HIVEP2: variants seen among roughly 807,000 people sequenced by gnomAD.
HIVEP2 encodes transcription factor HIVEP2.
Under a neutral mutation model 180.7 loss-of-function variants are expected in HIVEP2, and 14 were observed. The ratio of observed to expected loss-of-function variants is 0.08; its 90% CI spans 0.05 to 0.12. The LOEUF (loss-of-function observed/expected upper bound fraction) is 0.12. Among genes scored for constraint, HIVEP2 ranks in the 10% least tolerant of loss-of-function variants. The pLI is 1.00. For synonymous variants in HIVEP2, 1,184 were observed against 1,136.4 expected, an observed-to-expected ratio of 1.04 and a Z score of -0.84; for missense variants, 2,579 against 3,008.5, an observed-to-expected ratio of 0.86 and a Z score of 3.34.
intron 1 of HIVEP2, among the ~76,000 whole-genome samples, chr6:142,941,339 T>TC (rs1425934697): frequency 6.6e-6 from 1 of 152,214 alleles, no homozygotes; most frequent in Admixed American, 6.5e-5. Context: ...TAGTGGCATC[T>TC]CATAGCTACA....
intron 1 of HIVEP2, among the ~76,000 whole-genome samples, chr6:142,886,255 T>A (rs1261856924): frequency 6.6e-6 from 1 of 152,214 alleles, no homozygotes; most frequent in Non-Finnish European, 1.5e-5. Flanking sequence ...GTGCAAGTAT[T>A]TTAATTGAGC....
chr6:142,758,397 G>A (rs911250711), intron 9 of HIVEP2, among the ~76,000 whole-genome samples: 1 of 152,204 alleles, frequency 6.6e-6, no homozygotes, highest in African/African-American at 2.4e-5. Context: ...ATTCAGGGTG[G>A]TGGAAGGTGA....
intron 9 of HIVEP2, 109 bp downstream of exon 9, chr6:142,759,663 T>G: frequency 1.2e-6 from 1 of 846,344 alleles, no homozygotes; most frequent in Non-Finnish European, 1.9e-6. Context: ...CCAGATTCAC[T>G]CCACCCATGA....
rs13204946 is a variant in HIVEP2, at chr6:142,769,892, C to T, written c.4847G>A (p.Ser1616Asn). ...GMLVRMASAP[S>N]GNVADSTLLL... is the part of the protein sequence containing the mutation. ...AAGAGTTGAGTCTGCCACGTTCCCG[C>T]TGGGGGCAGAGGCCATGCGGACCAG... The change falls in exon 5 of 10, where the codon AGC becomes AAC. Residue 1616 changes from serine (S) to asparagine (N), a missense_variant. Transcript: ENST00000367603. The T allele has an allele frequency of 6.2e-7, 1 of 1,614,082 alleles. No individual in the cohort carries two copies. Among genetic ancestry groups the T allele is most frequent in the Admixed American group, 1.7e-5 (1 of 60,028 alleles).
chr6:142,849,478 T>C (rs1323318599), intron 1 of HIVEP2, among the ~76,000 whole-genome samples: 2 of 152,146 alleles, frequency 1.3e-5, no homozygotes, highest in Non-Finnish European at 2.9e-5. Context: ...TTGAAGACTA[T>C]TAGCATCATT....
chr6:142,882,967 C>T (rs558187249), intron 1 of HIVEP2, among the ~76,000 whole-genome samples: 1 of 152,250 alleles, frequency 6.6e-6, no homozygotes, highest in South Asian at 2.1e-4. Context: ...ACCCATACTA[C>T]ATTCAAATAG....
intron 2 of HIVEP2, among the ~76,000 whole-genome samples, chr6:142,802,843 C>T (rs554732492): frequency 6.6e-6 from 1 of 152,122 alleles, no homozygotes; most frequent in South Asian, 2.1e-4. Context: ...TGGAATTTTA[C>T]ATTTTTATAC....
rs1775507516 is a variant in HIVEP2 at position 142,770,634 on chromosome 6, C to T, written c.4105G>A (p.Val1369Ile). ...GTCCTTTGGGTCATATTCTCATCGA[C>T]TTTGCATATGACAATGGCAGGGCTA... ...QNSPAIVICK[V>I]DENMTQRTLV... Residue 1369 changes from valine to isoleucine, a missense_variant, in exon 5 of 10, where the codon GTC (valine) becomes ATC (isoleucine). By Grantham distance (29) the Val-to-Ile change is conservative. This residue lies in a region of HIVEP2 where 523 missense variants were observed against 577.0 expected (regional missense o/e 0.91). Transcript: ENST00000367603. The surrounding 1 kb of genome is among the most constrained non-coding windows in gnomAD (Gnocchi z 4.7). 6.2e-7 allele frequency: 1 copy of T among 1,614,220 alleles called. No individual in the cohort carries two copies.
chr6:142,927,255 G>C (rs1347765948), intron 1 of HIVEP2, among the ~76,000 whole-genome samples: 2 of 152,152 alleles, frequency 1.3e-5, no homozygotes, highest in Non-Finnish European at 2.9e-5. Flanking sequence ...CCAGGTGTTT[G>C]GAGGACGCAC....
chr6:142,944,108 A>T (rs375207695), intron 1 of HIVEP2, among the ~76,000 whole-genome samples: 2 of 152,174 alleles, frequency 1.3e-5, no homozygotes, highest in Non-Finnish European at 2.9e-5. Flanking sequence ...GAGAGGAGCC[A>T]CTTGAAGAAA....
rs546606181 is a variant in HIVEP2 at position 142,886,225 on chromosome 6, A to G, written c.-640-49178T>C. Among the ~76,000 whole-genome samples the G allele has an allele frequency of 6.6e-5, 10 of 152,350 alleles. 1 individual carries two copies. The South Asian group carries it at 1.4e-3, about 22-fold the overall frequency. ...GTTTGACAAATGAGTGAGTGAATGG[A>G]TGAATCAATGAAATGTTATGTGCAA... On this transcript the variant is annotated intron_variant, in intron 1 of 9. Transcript: ENST00000367603.
chr6:142,796,118 G>A lies in HIVEP2; in HGVS notation c.-527-12503C>T, dbSNP rs550084083. ...TACTAATGAACAAAGCAGTTTTATT[G>A]CTGAATAAGGAAACCCAAGCTGAAG... On this transcript the variant is annotated intron_variant, in intron 2 of 9. Coordinates refer to ENST00000367603, the MANE Select transcript of HIVEP2 (RefSeq NM_006734.4). Among the ~76,000 whole-genome samples the A allele has an allele frequency of 1.3e-4, 20 of 152,204 alleles. 1 individual carries two copies. In the South Asian group the frequency reaches 4.1e-3, roughly 32 times the overall value.
At chr6:142,860,258 A>C (rs1025769602) in intron 1 of HIVEP2, among the ~76,000 whole-genome samples, 2 of 152,312 alleles carry the variant, frequency 1.3e-5, no homozygotes, top group Middle Eastern at 3.4e-3. Flanking sequence ...TGATGAAAGG[A>C]AAATATATGT....
At chr6:142,860,805 G>A (rs1775958417) in intron 1 of HIVEP2, among the ~76,000 whole-genome samples, 1 of 152,178 alleles carries the variant, frequency 6.6e-6, no homozygotes, top group Admixed American at 6.5e-5. Flanking sequence ...CCGTAGCCCA[G>A]GTACTGGGAC....
In HIVEP2 at chr6:142,753,552, G is replaced by C. The variant is rs780186629; in HGVS notation, c.6896C>G (p.Pro2299Arg). The C allele has an allele frequency of 3.7e-6, 6 of 1,614,182 alleles. No individual in the cohort carries two copies. Among genetic ancestry groups the C allele is most frequent in the Non-Finnish European group, 5.1e-6 (6 of 1,180,030 alleles). Reference sequence around the variant, plus strand: ...TTTCATCAACAGCCGAGGAGAGGAGGGAGTGCTAGGTGGACCAGATGACTG... The same window carrying C: ...TTTCATCAACAGCCGAGGAGAGGAGCGAGTGCTAGGTGGACCAGATGACTG... ...ALQSSGPPST[P>R]SSPRLLMKQS... Residue 2299 changes from proline (P) to arginine (R), a missense_variant, in exon 10 of 10, where the codon CCC becomes CGC. Physicochemically the swap from Pro to Arg is moderately radical, Grantham distance 103. Coordinates refer to ENST00000367603, the MANE Select transcript of HIVEP2 (RefSeq NM_006734.4).
intron 1 of HIVEP2, among the ~76,000 whole-genome samples, chr6:142,896,246 ACACCCAGTT>A (rs1273009512): frequency 6.6e-6 from 1 of 152,096 alleles, no homozygotes; most frequent in Non-Finnish European, 1.5e-5. Flanking sequence ...CCTTATGGAG[ACACCCAGTT>A]CCTCAATTCC....
At chr6:142,868,335 C>T (rs1776196053) in intron 1 of HIVEP2, among the ~76,000 whole-genome samples, 1 of 152,194 alleles carries the variant, frequency 6.6e-6, no homozygotes, top group African/African-American at 2.4e-5. Flanking sequence ...AGCTTCAGTG[C>T]ATGGTTCACA....
chr6:142,917,408 CA>C (rs1562291722), intron 1 of HIVEP2, among the ~76,000 whole-genome samples: 1 of 152,186 alleles, frequency 6.6e-6, no homozygotes, highest in Non-Finnish European at 1.5e-5. Context: ...GCAGAAGCAA[CA>C]GGTATGAATG....
intron 2 of HIVEP2, among the ~76,000 whole-genome samples, chr6:142,815,769 G>A (rs1457091563): frequency 6.6e-6 from 1 of 152,176 alleles, no homozygotes; most frequent in Non-Finnish European, 1.5e-5. Flanking sequence ...GACTCCACAA[G>A]AGTCTTTCTT....
Sources: gnomAD v4.1 joint callset for allele counts (sites outside exome capture counted in the v4.1 genomes callset) on GRCh38, gnomAD v4.1.1 for gene constraint, gnomAD v4.1.1 regional missense constraint, Gnocchi (gnomAD v3.1) non-coding constraint, MANE v1.5 for transcripts, NCBI Gene and HGNC (gene_info 2026-07-23, HGNC 2026-07-21) for gene names.